Variants in RIN2 observed in about 807,000 individuals in gnomAD.
The protein encoded by RIN2 is Ras and Rab interactor 2, also known as RAB5 interacting protein 2.
A neutral mutation model predicts 78.0 loss-of-function variants in RIN2; 36 were observed. That is an observed-to-expected ratio of 0.46 (90% CI 0.35 to 0.61). The LOEUF is 0.61. RIN2 is among the 20% of genes least tolerant of loss of function. RIN2 has a pLI of 0.00. For synonymous variants in RIN2, 466 were observed against 466.8 expected (o/e 1.00, Z 0.02); for missense variants, 1,087 against 1,159.7 (o/e 0.94, Z 0.91).
At chr20:19,806,660 G>A (rs1654259278) in intron 2 of RIN2, among the ~76,000 whole-genome samples, 1 of 152,198 alleles carries the variant, frequency 6.6e-6, no homozygotes, top group African/African-American at 2.4e-5. Context: ...ACTTTGGGAG[G>A]CTGAGGTGGG....
At chr20:19,910,638 G>A (rs1392932730) in intron 3 of RIN2, among the ~76,000 whole-genome samples, 3 of 148,978 alleles carry the variant, frequency 2.0e-5, no homozygotes, top group Non-Finnish European at 4.4e-5. Flanking sequence ...GCGCAGTCTC[G>A]GCTCACTGCA....
At chr20:19,949,698 G>T (rs143134831) in intron 4 of RIN2, among the ~76,000 whole-genome samples, 36 of 152,266 alleles carry the variant, frequency 2.4e-4, no homozygotes, top group African/African-American at 8.4e-4. Context: ...TCGCGGGAGC[G>T]GGTGATGTAG....
At chr20:19,847,819 G>T (rs1036688251) in intron 2 of RIN2, among the ~76,000 whole-genome samples, 1 of 152,010 alleles carries the variant, frequency 6.6e-6, no homozygotes, top group Non-Finnish European at 1.5e-5. Context: ...ACTGTGAGTC[G>T]CATTATATTC....
chr20:19,901,811 G>A (rs2038993927), intron 3 of RIN2, among the ~76,000 whole-genome samples: 2 of 152,064 alleles, frequency 1.3e-5, no homozygotes, highest in Non-Finnish European at 2.9e-5. Flanking sequence ...GAGGTTAGGT[G>A]TTTGAGACCA....
intron 2 of RIN2, among the ~76,000 whole-genome samples, chr20:19,877,260 G>C (rs933049564): frequency 8.5e-6 from 1 of 117,932 alleles, no homozygotes; most frequent in Admixed American, 1.0e-4. Flanking sequence ...AGTAACTCGA[G>C]GTCAATGGAT....
chr20:19,895,796 A>T (rs1488015255), intron 3 of RIN2: 1 of 152,264 alleles, frequency 6.6e-6, no homozygotes. Flanking sequence ...CACAAAGACT[A>T]GACCTGCGAC....
chr20:19,958,070 T>G (rs1264629711), intron 5 of RIN2, among the ~76,000 whole-genome samples: 1 of 152,242 alleles, frequency 6.6e-6, no homozygotes, highest in Non-Finnish European at 1.5e-5. Flanking sequence ...ACTAAATACC[T>G]TTTTGAGTTT....
At chr20:19,920,610 C>A (rs975845589) in intron 3 of RIN2, among the ~76,000 whole-genome samples, 4 of 152,228 alleles carry the variant, frequency 2.6e-5, no homozygotes, top group African/African-American at 9.6e-5. Context: ...TGTGAGCATG[C>A]GCCAAATTGA....
intron 2 of RIN2, among the ~76,000 whole-genome samples, chr20:19,852,224 G>C (rs1454999806): frequency 8.5e-5 from 13 of 152,200 alleles, no homozygotes. Flanking sequence ...ATGGCAAAGG[G>C]TGTGGATAAA....
intron 2 of RIN2, among the ~76,000 whole-genome samples, chr20:19,867,326 A>G (rs2037541393): frequency 6.6e-6 from 1 of 152,104 alleles, no homozygotes; most frequent in Non-Finnish European, 1.5e-5. Context: ...CATCATCACA[A>G]TCCAGTTACC....
intron 1 of RIN2, among the ~76,000 whole-genome samples, chr20:19,767,169 T>C (rs904543931): frequency 1.3e-5 from 2 of 152,192 alleles, no homozygotes; most frequent in African/African-American, 2.4e-5. Context: ...TCAACAAATA[T>C]GGACAGCCGT....
intron 1 of RIN2, among the ~76,000 whole-genome samples, chr20:19,763,648 A>G (rs1411958007): frequency 6.6e-6 from 1 of 152,190 alleles, no homozygotes; most frequent in East Asian, 1.9e-4. Context: ...AGTCTAAGAA[A>G]ATAAAATTGA....
intron 2 of RIN2, among the ~76,000 whole-genome samples, chr20:19,825,766 A>T (rs1415429332): frequency 6.6e-6 from 1 of 152,158 alleles, no homozygotes; most frequent in Non-Finnish European, 1.5e-5. Flanking sequence ...AGTAGGCTGC[A>T]CCTTGCCTCA....
At chr20:19,853,071 C>T (rs937951206) in intron 2 of RIN2, among the ~76,000 whole-genome samples, 2 of 144,656 alleles carry the variant, frequency 1.4e-5, no homozygotes, top group African/African-American at 2.6e-5. Context: ...TGTGATGTTC[C>T]CCTTCCTGTG....
intron 1 of RIN2, among the ~76,000 whole-genome samples, chr20:19,782,543 G>A (rs1310552626): frequency 1.3e-5 from 2 of 148,776 alleles, no homozygotes; most frequent in Admixed American, 1.3e-4. Flanking sequence ...GCGACAGAGC[G>A]AGACTCTGTC....
intron 2 of RIN2, among the ~76,000 whole-genome samples, chr20:19,817,403 G>C (rs1600526142): frequency 6.6e-6 from 1 of 152,004 alleles, no homozygotes; most frequent in Non-Finnish European, 1.5e-5. Flanking sequence ...CTTTTATAAG[G>C]GCAGTAATCC....
intron 2 of RIN2, among the ~76,000 whole-genome samples, chr20:19,879,158 T>C (rs1485692603): frequency 6.6e-6 from 1 of 152,230 alleles, no homozygotes; most frequent in African/African-American, 2.4e-5. Context: ...ATGAATGCCA[T>C]TGGTCAGCCA....
intron 2 of RIN2, among the ~76,000 whole-genome samples, chr20:19,801,048 T>C (rs1440370988): frequency 1.3e-5 from 2 of 152,160 alleles, no homozygotes; most frequent in Non-Finnish European, 2.9e-5. Context: ...AGCAAACCCT[T>C]GCAGAGTAAG....
chr20:19,971,695 GC>G (rs371194830), intron 8 of RIN2, among the ~76,000 whole-genome samples: 111 of 151,296 alleles, frequency 7.3e-4, no homozygotes, highest in African/African-American at 2.7e-3. Flanking sequence ...TCAGCGAGGA[GC>G]CTGGGCATAG....
Sources: gnomAD v4.1 joint callset for allele counts (sites outside exome capture counted in the v4.1 genomes callset) on GRCh38, gnomAD v4.1.1 for gene constraint, MANE v1.5 for transcripts, NCBI Gene and HGNC (gene_info 2026-07-23, HGNC 2026-07-21) for gene names.